NHEJ1: variants seen among roughly 807,000 people sequenced by gnomAD.
NHEJ1 encodes non-homologous end joining factor 1.
NHEJ1 carries 22 observed loss-of-function variants against 39.4 expected under a neutral mutation model. That is an observed-to-expected ratio of 0.56 (90% CI 0.40 to 0.80). The LOEUF (loss-of-function observed/expected upper bound fraction) is 0.80. Among genes scored for constraint, NHEJ1 ranks in the 30% least tolerant of loss-of-function variants. NHEJ1 has a pLI of 0.00. For missense variants in NHEJ1, 329 were observed against 357.1 expected (o/e 0.92, Z 0.63); for synonymous variants, 154 against 135.6 (o/e 1.14, Z -0.94).
intron 5 of NHEJ1, among the ~76,000 whole-genome samples, chr2:219,123,590 A>G (rs1387701818): frequency 6.6e-6 from 1 of 152,234 alleles, no homozygotes; most frequent in African/African-American, 2.4e-5. Context: ...TATTAAAAGG[A>G]AAGGCAGGTT....
chr2:219,101,492 C>T (rs1482399449), intron 5 of NHEJ1, among the ~76,000 whole-genome samples: 1 of 152,038 alleles, frequency 6.6e-6, no homozygotes, highest in Non-Finnish European at 1.5e-5. Flanking sequence ...CTCACTGCAG[C>T]GTCAAACTCC....
rs1389232823 is a variant in NHEJ1, at chr2:219,147,688, G to A, written c.498C>T (p.Asp166=). ...TCAGCGTAGCCCCACTCTCCTGGTA[G>A]TCTTGGATCTCTAGGTCTTTCATAT... The part of the protein sequence containing the change: ...LLHMKDLEIQ[D]YQESGATLIR... Residue 166 remains aspartate (D), a synonymous_variant, in exon 4 of 8, where the codon GAC becomes GAT. Transcript: ENST00000356853. The A allele has an allele frequency of 6.2e-7, 1 of 1,614,194 alleles. No homozygotes were observed.
At chr2:219,154,210 T>G (rs1949826634) in intron 3 of NHEJ1, among the ~76,000 whole-genome samples, 1 of 152,090 alleles carries the variant, frequency 6.6e-6, no homozygotes, top group African/African-American at 2.4e-5. Flanking sequence ...GTTCTACAAT[T>G]AAGTGAAAAA....
intron 1 of NHEJ1, chr2:219,159,359 T>C (rs1392278429): frequency 1.3e-5 from 2 of 151,768 alleles, no homozygotes; most frequent in African/African-American, 4.8e-5. Context: ...ATATGTCAAT[T>C]TCCTTCATTA....
chr2:219,146,851 T>A, intron 4 of NHEJ1, 113 bp from the exon 5 acceptor site: 1 of 811,740 alleles, frequency 1.2e-6, no homozygotes, highest in South Asian at 1.4e-5. Flanking sequence ...AGGTGCATCA[T>A]GCAGAGACAC....
chr2:219,137,570 C>CAAAAAAAAAAA (rs58279021), intron 5 of NHEJ1, among the ~76,000 whole-genome samples: 23 of 34,724 alleles, frequency 6.6e-4, no homozygotes, highest in Admixed American at 1.1e-3. Flanking sequence ...GTGTTACAGG[C>CAAAAAAAAAAA]AAAAAAAAAA....
At chr2:219,097,905 A>G (rs1320495907) in intron 5 of NHEJ1, among the ~76,000 whole-genome samples, 3 of 152,212 alleles carry the variant, frequency 2.0e-5, no homozygotes, top group East Asian at 1.9e-4. Flanking sequence ...AGGGCCAACG[A>G]CTGAGCCTTG....
intron 4 of NHEJ1, among the ~76,000 whole-genome samples, chr2:219,147,325 C>G: frequency 6.6e-6 from 1 of 152,032 alleles, no homozygotes; most frequent in East Asian, 1.9e-4. Context: ...ATTAAAAATA[C>G]AAAAAAATTA....
At chr2:219,139,916 T>C (rs958555464) in intron 5 of NHEJ1, among the ~76,000 whole-genome samples, 4 of 152,246 alleles carry the variant, frequency 2.6e-5, no homozygotes, top group Admixed American at 6.5e-5. Context: ...CCTGACCTCA[T>C]GATCCATCTG....
At chr2:219,151,775 T>C (rs958312583) in intron 3 of NHEJ1, among the ~76,000 whole-genome samples, 1 of 152,172 alleles carries the variant, frequency 6.6e-6, no homozygotes, top group African/African-American at 2.4e-5. Context: ...AAGATCAGCC[T>C]GGCCAACATG....
At chr2:219,076,516 A>G in intron 7 of NHEJ1, 61 bp from the exon 8 acceptor site, 1 of 1,476,952 alleles carries the variant, frequency 6.8e-7, no homozygotes, top group African/African-American at 1.4e-5. Context: ...AAATTAGGAA[A>G]GGAACTTTCT....
intron 6 of NHEJ1, 98 bp downstream of exon 6, chr2:219,077,991 A>G: frequency 1.2e-6 from 1 of 845,080 alleles, no homozygotes; most frequent in Non-Finnish European, 2.0e-6. Flanking sequence ...ATTTAAACTT[A>G]AATAGTTATA....
intron 1 of NHEJ1, chr2:219,159,365 C>CAT (rs1430779376): frequency 6.6e-6 from 1 of 151,704 alleles, no homozygotes; most frequent in Non-Finnish European, 1.5e-5. Flanking sequence ...CAATTTCCTT[C>CAT]ATTATTCCAG....
At chr2:219,143,082 G>A (rs1559201198) in intron 5 of NHEJ1, among the ~76,000 whole-genome samples, 1 of 152,142 alleles carries the variant, frequency 6.6e-6, no homozygotes, top group Non-Finnish European at 1.5e-5. Context: ...ATCCCAATGA[G>A]AATTTTAAAA....
In NHEJ1 at chr2:219,071,812, A is replaced by AT. The variant is rs1208541265; in HGVS notation, c.*4568dup. Among the ~76,000 whole-genome samples, 3 of 152,194 alleles carry AT rather than the reference A, an allele frequency of 2.0e-5. No homozygotes were observed. The highest frequency in any genetic ancestry group is 7.2e-5 in the African/African-American group (3 of 41,454). The stretch of plus-strand genomic sequence containing the variant: ...GGCTGGCCCAGATTCTTGAGAACCC[A>AT]TAAGAGTTGGGTGCTGAGTGGGTGG... On this transcript the variant is annotated 3_prime_UTR_variant, in exon 8 of 8. Transcript: ENST00000356853.
chr2:219,112,554 G>A (rs1245329826), intron 5 of NHEJ1, among the ~76,000 whole-genome samples: 2 of 152,058 alleles, frequency 1.3e-5, no homozygotes, highest in East Asian at 1.9e-4. Context: ...TCTCCTAGGG[G>A]CACACACCTA....
rs1299122884 is a variant in NHEJ1 at position 219,072,153 on chromosome 2, C to T, written c.*4228G>A. Among the ~76,000 whole-genome samples the T allele has an allele frequency of 6.6e-6, 1 of 152,214 alleles. No individual in the cohort carries two copies. Among genetic ancestry groups the T allele is most frequent in the Non-Finnish European group, 1.5e-5 (1 of 68,036 alleles). The stretch of plus-strand genomic sequence containing the variant: ...CCCTCCATGCACTGGATGTTCCGCT[C>T]ATGGTGAGATCTTCTGAGGCCTTGG... On this transcript the variant is annotated 3_prime_UTR_variant, in exon 8 of 8. Coordinates refer to ENST00000356853, the MANE Select transcript of NHEJ1 (RefSeq NM_024782.3).
intron 3 of NHEJ1, among the ~76,000 whole-genome samples, chr2:219,155,290 G>A (rs983063143): frequency 3.3e-5 from 5 of 151,830 alleles, no homozygotes; most frequent in Non-Finnish European, 5.9e-5. Flanking sequence ...GTATGGGATG[G>A]GGCCAGGCTC....
chr2:219,146,724 C>G lies in NHEJ1; in HGVS notation c.544G>C (p.Glu182Gln), dbSNP rs773346695. The change falls in exon 5 of 8, where the codon GAA (glutamate) becomes CAA (glutamine). Residue 182 changes from glutamate (E) to glutamine (Q), a missense_variant. Physicochemically the swap from Glu to Gln is conservative, Grantham distance 29. Transcript: ENST00000356853. ...AAGAAGGAATTTTCTTCAAATGGTT[C>G]TGTCTTCAATCGATCTGTAATAAGA... ...ATLIRDRLKT[E>Q]PFEENSFLEQ... The G allele has an allele frequency of 6.2e-7, 1 of 1,610,728 alleles. No homozygotes were observed.
Sources: allele counts gnomAD v4.1 joint callset (sites outside exome capture counted in the v4.1 genomes callset), GRCh38; gene constraint gnomAD v4.1.1; transcripts MANE v1.5; gene names NCBI Gene and HGNC (gene_info 2026-07-23, HGNC 2026-07-21).